Variants in TK2 observed in about 807,000 individuals in gnomAD.
TK2 encodes the protein thymidine kinase 2.
A neutral mutation model predicts 41.9 loss-of-function variants in TK2; 35 were observed. The ratio of observed to expected loss-of-function variants is 0.84; its 90% CI spans 0.64 to 1.11. The LOEUF is 1.11. TK2 is among the 50% of genes least tolerant of loss of function. The probability of loss-of-function intolerance (pLI) is 0.00; values close to 1 mark genes in which losing one functional copy is unlikely to be tolerated. For synonymous variants in TK2, 128 were observed against 129.1 expected (o/e 0.99, Z 0.06); for missense variants, 320 against 351.1 (o/e 0.91, Z 0.71).
chr16:66,538,786 G>C (rs1386509714), intron 3 of TK2, among the ~76,000 whole-genome samples: 1 of 152,214 alleles, frequency 6.6e-6, no homozygotes, highest in African/African-American at 2.4e-5. Context: ...GATCTGAAGG[G>C]AGAGTGGTCT....
chr16:66,512,626 A>G (rs1964484686), intron 9 of TK2, among the ~76,000 whole-genome samples: 1 of 152,168 alleles, frequency 6.6e-6, no homozygotes, highest in African/African-American at 2.4e-5. Context: ...TACGAAAAAT[A>G]TAAAAAATTA....
chr16:66,542,386 C>T (rs1357385925), intron 2 of TK2, among the ~76,000 whole-genome samples: 2 of 152,030 alleles, frequency 1.3e-5, no homozygotes, highest in East Asian at 3.9e-4. Context: ...AAAAAAAAAG[C>T]ACTTGGTCAC....
Position 66,517,289 on chromosome 16 carries a change from G to A in TK2, c.539-74C>T. The stretch of plus-strand genomic sequence containing the variant: ...AAGCAAAGCAGGCACACAGGCAAAG[G>A]CGGGAGGAAGGTCTGCACAGCTCGA... On this transcript the variant is annotated intron_variant, in intron 7 of 9. Transcript: ENST00000544898. The surrounding 1 kb of genome is among the most constrained non-coding windows in gnomAD (Gnocchi z 4.3). The A allele has an allele frequency of 1.5e-6, 2 of 1,313,436 alleles. No individual in the cohort carries two copies. The highest frequency in any genetic ancestry group is 2.4e-5 in the South Asian group (2 of 84,984). The allele number at this position is 1,313,436 out of a possible 1,614,324, so 81.4% of individuals were successfully genotyped here.
chr16:66,549,140 G>A, intron 1 of TK2, 131 bp from the exon 2 acceptor site: 3 of 1,540,244 alleles, frequency 1.9e-6, no homozygotes, highest in Non-Finnish European at 2.6e-6. Context: ...TCCATTTTGG[G>A]CGCCCTCCGA....
At chr16:66,525,743 GC>G (rs1055308898) in intron 6 of TK2, among the ~76,000 whole-genome samples, 2 of 152,106 alleles carry the variant, frequency 1.3e-5, no homozygotes, top group Non-Finnish European at 2.9e-5. Flanking sequence ...GGGAATCTGA[GC>G]CCCCCGAAAG....
chr16:66,531,597 C>A (rs1483447769), intron 4 of TK2, 128 bp from the exon 5 acceptor site: 1 of 829,712 alleles, frequency 1.2e-6, no homozygotes, highest in Non-Finnish European at 2.0e-6. Context: ...ATAAACCCAG[C>A]ATGATCACAG....
In TK2 at chr16:66,549,193, G is replaced by A. The variant is rs573885320; in HGVS notation, c.125-184C>T. ...ACCGTCTCGCCGATGTGCCACCCTG[G>A]GCTGCAGCTGCAGCTTCGTGGACCC... On this transcript the variant is annotated intron_variant, in intron 1 of 9. Coordinates refer to ENST00000544898, the MANE Select transcript of TK2 (RefSeq NM_004614.5). The A allele has an allele frequency of 1.8e-5, 26 of 1,458,876 alleles. No homozygotes were observed. In the South Asian group the frequency reaches 3.5e-4, roughly 19 times the overall value. 90.4% of individuals were successfully genotyped at this position (1,458,876 alleles called of 1,614,324 possible). A position where few individuals can be genotyped will look rare whatever the true frequency, so the allele number is the denominator to read the frequency against.
chr16:66,542,173 C>T (rs1158197521), intron 2 of TK2, among the ~76,000 whole-genome samples: 1 of 152,110 alleles, frequency 6.6e-6, no homozygotes, highest in Non-Finnish European at 1.5e-5. Context: ...TGTGGTCCCC[C>T]CAGACCAGAT....
chr16:66,523,735 A>C (rs1431081843), intron 6 of TK2, among the ~76,000 whole-genome samples: 2 of 152,186 alleles, frequency 1.3e-5, no homozygotes, highest in African/African-American at 4.8e-5. Context: ...AGGCTGAGGC[A>C]GGAGAATTGC....
intron 2 of TK2, among the ~76,000 whole-genome samples, chr16:66,542,998 G>A (rs1184287083): frequency 6.6e-6 from 1 of 151,936 alleles, no homozygotes; most frequent in East Asian, 1.9e-4. Flanking sequence ...TCAGCCTCCC[G>A]AGTAGCTGGG....
intron 4 of TK2, among the ~76,000 whole-genome samples, chr16:66,533,926 C>A (rs964746749): frequency 6.9e-6 from 1 of 144,694 alleles, no homozygotes; most frequent in Non-Finnish European, 1.5e-5. Context: ...GAGAATGGCG[C>A]GAACCCAGGA....
intron 6 of TK2, among the ~76,000 whole-genome samples, chr16:66,523,528 C>T (rs1964841656): frequency 6.6e-6 from 1 of 152,164 alleles, no homozygotes; most frequent in African/African-American, 2.4e-5. Context: ...GAGCCGAAAC[C>T]TCTAAAAACA....
chr16:66,528,850 C>T, intron 6 of TK2, 144 bp downstream of exon 6: 8 of 785,226 alleles, frequency 1.0e-5, no homozygotes, highest in Middle Eastern at 3.5e-4. Flanking sequence ...GGATTCGTGG[C>T]TGTTTGTTAC....
At chr16:66,531,553 C>A in intron 4 of TK2, 84 bp from the exon 5 acceptor site, 1 of 1,320,104 alleles carries the variant, frequency 7.6e-7, no homozygotes, top group South Asian at 1.2e-5. Flanking sequence ...AAGGACAGCT[C>A]AAGAAACCTA....
chr16:66,529,815 C>A (rs1965053231), intron 5 of TK2, among the ~76,000 whole-genome samples: 1 of 152,186 alleles, frequency 6.6e-6, no homozygotes, highest in Admixed American at 6.5e-5. Flanking sequence ...TCCCTGCTGT[C>A]CCTCTGTCCA....
chr16:66,550,004 C>A lies in TK2; in HGVS notation c.58G>T (p.Gly20Ter). 6.5e-7 allele frequency: 1 copy of A among 1,531,566 alleles called. No individual in the cohort carries two copies. The highest frequency in any genetic ancestry group is 2.5e-5 in the East Asian group (1 of 39,406). The allele number at this position is 1,531,566 out of a possible 1,614,324, so 94.9% of individuals were successfully genotyped here. Residue 20 changes from glycine to a stop codon, truncating the protein, a stop_gained, in exon 1 of 10, where the codon GGA becomes TGA. Transcript: ENST00000544898. LOFTEE classifies it high-confidence loss of function. ...CCTGAGGCCGGGCTCCCGCGACTTC[C>A]CGGCCCAAAGCAGCGCAGCGCCCGG... ...AARALRCFGP[G>*]SRGSPASGPG...
intron 6 of TK2, among the ~76,000 whole-genome samples, chr16:66,526,889 TAC>T (rs978329840): frequency 3.9e-5 from 6 of 152,344 alleles, no homozygotes; most frequent in African/African-American, 1.4e-4. Flanking sequence ...TTCCTCAGGC[TAC>T]AGTTCTTTTT....
In TK2 at chr16:66,550,001, T is replaced by C. The variant is rs1263461990; in HGVS notation, c.61A>G (p.Ser21Gly). ...GGGCCTGAGGCCGGGCTCCCGCGAC[T>C]TCCCGGCCCAAAGCAGCGCAGCGCC... ...ARALRCFGPG[S>G]RGSPASGPGP... Residue 21 changes from serine (S) to glycine (G), a missense_variant, in exon 1 of 10, where the codon AGT becomes GGT. By Grantham distance (56) the Ser-to-Gly change is moderately conservative. Coordinates refer to ENST00000544898, the MANE Select transcript of TK2 (RefSeq NM_004614.5). 4 of 1,525,924 alleles carry C rather than the reference T, an allele frequency of 2.6e-6. No individual in the cohort carries two copies. The highest frequency in any genetic ancestry group is 3.5e-6 in the Non-Finnish European group (4 of 1,140,652). 94.5% of individuals were successfully genotyped at this position (1,525,924 alleles called of 1,614,324 possible). A position where few individuals can be genotyped will look rare whatever the true frequency, so the allele number is the denominator to read the frequency against.
At chr16:66,549,763 G>A (rs1965727248) in intron 1 of TK2, 175 bp downstream of exon 1, 1 of 1,279,554 alleles carries the variant, frequency 7.8e-7, no homozygotes, top group Non-Finnish European at 9.8e-7. Flanking sequence ...AGCGCTCGCT[G>A]CGGTCTCGCG....
Sources: allele counts gnomAD v4.1 joint callset (sites outside exome capture counted in the v4.1 genomes callset), GRCh38; gene constraint gnomAD v4.1.1; non-coding constraint Gnocchi (gnomAD v3.1); transcripts MANE v1.5; gene names NCBI Gene and HGNC (gene_info 2026-07-23, HGNC 2026-07-21).